The following PSAP variants were observed in gnomAD, a reference collection of about 807,000 sequenced individuals.
PSAP encodes prosaposin, also known as precursor of saposins.
In PSAP, 25 loss-of-function variants were observed where a neutral mutation model predicts 66.0. That is an observed-to-expected ratio of 0.38 (90% CI 0.28 to 0.53). The LOEUF (loss-of-function observed/expected upper bound fraction) is 0.53. Ranked by LOEUF, PSAP falls within the 20% of genes least tolerant of loss-of-function variation. PSAP has a pLI of 0.83. For synonymous variants in PSAP, 273 were observed against 258.9 expected, an observed-to-expected ratio of 1.05 and a Z score of -0.52; for missense variants, 649 against 668.8, an observed-to-expected ratio of 0.97 and a Z score of 0.33.
chr10:71,824,841 G>A (rs1842370999), intron 7 of PSAP, among the ~76,000 whole-genome samples: 1 of 152,194 alleles, frequency 6.6e-6, no homozygotes, highest in Non-Finnish European at 1.5e-5. Context: ...CTATGAGGAA[G>A]TACTTCACGA....
intron 1 of PSAP, 79 bp from the exon 2 acceptor site, chr10:71,834,584 G>A: frequency 1.3e-6 from 2 of 1,562,828 alleles, no homozygotes; most frequent in Non-Finnish European, 8.7e-7. Flanking sequence ...CCAGGGCTGA[G>A]GGCGACTGTC....
At chr10:71,848,779 T>C (rs1433968801) in intron 1 of PSAP, among the ~76,000 whole-genome samples, 1 of 152,162 alleles carries the variant, frequency 6.6e-6, no homozygotes, top group Non-Finnish European at 1.5e-5. Flanking sequence ...AGTAACATTT[T>C]CACAATATCA....
At position 71,818,695 on chromosome 10, in the gene PSAP, C is replaced by T. The variant is rs140777530; in HGVS notation, c.1461G>A (p.Lys487=). 4 of 1,614,074 alleles carry T rather than the reference C, an allele frequency of 2.5e-6. No homozygotes were observed. The highest frequency in any genetic ancestry group is 1.3e-5 in the African/African-American group (1 of 74,910). Residue 487 remains lysine, a synonymous_variant, in exon 13 of 14, where the codon AAG becomes AAA. Coordinates refer to ENST00000394936, the MANE Select transcript of PSAP (RefSeq NM_002778.4). ...TACACTTCTCAGTTCCCAACAAGGG[C>T]TTATGGGCCGAGGGGCAGGCTCCAA... The part of the protein sequence containing the change: ...LKIGACPSAH[K]PLLGTEKCIW...
chr10:71,835,939 T>C (rs11000024), intron 1 of PSAP, among the ~76,000 whole-genome samples: 9 of 151,644 alleles, frequency 5.9e-5, no homozygotes, highest in African/African-American at 9.7e-5. Context: ...GTAACACACA[T>C]AGGAAACACG....
At chr10:71,823,936 G>C (rs1842351913) in intron 7 of PSAP, 2 of 1,287,292 alleles carry the variant, frequency 1.6e-6, no homozygotes, top group Non-Finnish European at 2.0e-6. Context: ...GTGAAAATAA[G>C]AGAAAGGAAA....
intron 4 of PSAP, among the ~76,000 whole-genome samples, chr10:71,830,489 G>C (rs1364047981): frequency 1.3e-5 from 2 of 152,186 alleles, no homozygotes; most frequent in Non-Finnish European, 1.5e-5. Flanking sequence ...GACACTCCAA[G>C]GCTGCACTTG....
chr10:71,820,640 T>C (rs562191708), intron 8 of PSAP, among the ~76,000 whole-genome samples: 2 of 151,748 alleles, frequency 1.3e-5, no homozygotes, highest in East Asian at 3.9e-4. Flanking sequence ...CCTGATGATG[T>C]GTTCGGTTAC....
Position 71,831,268 on chromosome 10 carries a change from G to T in PSAP, c.250-17C>A. 3 of 1,613,190 alleles carry T rather than the reference G, an allele frequency of 1.9e-6. No homozygotes were observed. Among genetic ancestry groups the T allele is most frequent in the Non-Finnish European group, 2.5e-6 (3 of 1,179,766 alleles). Reference sequence around the variant, plus strand: ...GATCTCCTCCTACGAGAGGACACCAGGGTCAGAATCACGATAGGCTTTCCT... The same window carrying T: ...GATCTCCTCCTACGAGAGGACACCATGGTCAGAATCACGATAGGCTTTCCT... On this transcript the variant is annotated splice_polypyrimidine_tract_variant and intron_variant, in intron 3 of 13. Coordinates refer to ENST00000394936, the MANE Select transcript of PSAP (RefSeq NM_002778.4).
chr10:71,822,591 G>T, intron 7 of PSAP: 1 of 472,108 alleles, frequency 2.1e-6, no homozygotes, highest in Non-Finnish European at 4.4e-6. Context: ...AAGCCACAAG[G>T]TCTCCAGATT....
chr10:71,849,353 T>C (rs986350354), intron 1 of PSAP, among the ~76,000 whole-genome samples: 3 of 152,226 alleles, frequency 2.0e-5, no homozygotes, highest in South Asian at 4.1e-4. Context: ...AACCCTGTCA[T>C]CCACTTTGTT....
Position 71,816,370 on chromosome 10 carries a change from T to A in PSAP, c.*1071A>T, listed in dbSNP as rs551941858. ...AACAAAAATCACGAAGTCCATTTAA[T>A]AGCAACTTCATGTCCTGCTGGCTTT... On this transcript the variant is annotated 3_prime_UTR_variant, in exon 14 of 14. Coordinates refer to ENST00000394936, the MANE Select transcript of PSAP (RefSeq NM_002778.4). The A allele has an allele frequency of 2.1e-6, 1 of 469,550 alleles. No homozygotes were observed. The highest frequency in any genetic ancestry group is 4.4e-6 in the Non-Finnish European group (1 of 225,752). 29.1% of individuals were successfully genotyped at this position (469,550 alleles called of 1,614,324 possible). A position where few individuals can be genotyped will look rare whatever the true frequency, so the allele number is the denominator to read the frequency against.
At chr10:71,828,309 C>A in intron 5 of PSAP, 152 bp from the exon 6 acceptor site, 1 of 837,274 alleles carries the variant, frequency 1.2e-6, no homozygotes. Flanking sequence ...GGCTTAAAAT[C>A]GATTAAGTGT....
intron 1 of PSAP, among the ~76,000 whole-genome samples, chr10:71,849,325 TTTC>T (rs1220522591): frequency 6.6e-6 from 1 of 152,232 alleles, no homozygotes; most frequent in African/African-American, 2.4e-5. Flanking sequence ...AGCTAACTCA[TTTC>T]TTCGGTTTTG....
chr10:71,817,609 G>T (rs1442550341), intron 13 of PSAP, 133 bp from the exon 14 acceptor site: 1 of 852,982 alleles, frequency 1.2e-6, no homozygotes, highest in Non-Finnish European at 2.0e-6. Context: ...ACCAGATGCT[G>T]AAGACCCAGG....
intron 6 of PSAP, 71 bp from the exon 7 acceptor site, chr10:71,825,964 C>A (rs1842393472): frequency 7.5e-7 from 1 of 1,341,638 alleles, no homozygotes; most frequent in Non-Finnish European, 1.1e-6. Flanking sequence ...AACAAAAACC[C>A]CCCAGCATTT....
At position 71,840,937 on chromosome 10, in the gene PSAP, A is replaced by G. The variant is rs182321221; in HGVS notation, c.41-6432T>C. Among the ~76,000 whole-genome samples, 494 of 152,368 alleles carry G rather than the reference A, an allele frequency of 3.2e-3. 1 individual carries two copies. The highest frequency in any genetic ancestry group is 0.01 in the African/African-American group (434 of 41,596). ...GGGACAATTCCTAACTAGTTCATTC[A>G]AGGGTACTGTAGTCCAATAAAAACT... On this transcript the variant is annotated intron_variant, in intron 1 of 13. Coordinates refer to ENST00000394936, the MANE Select transcript of PSAP (RefSeq NM_002778.4).
chr10:71,818,991 A>G (rs2133029438), intron 12 of PSAP, 40 bp downstream of exon 12: 3 of 1,571,478 alleles, frequency 1.9e-6, no homozygotes. Context: ...CCCCCAGGTT[A>G]CAGCTGCCCG....
chr10:71,840,510 A>T (rs1842715774), intron 1 of PSAP, among the ~76,000 whole-genome samples: 1 of 152,262 alleles, frequency 6.6e-6, no homozygotes, highest in African/African-American at 2.4e-5. Context: ...TGCCTTTGGA[A>T]AACAGTCTGC....
chr10:71,825,918 A>C (rs992685804), intron 6 of PSAP, 25 bp from the exon 7 acceptor site: 2 of 1,603,894 alleles, frequency 1.2e-6, no homozygotes, highest in African/African-American at 1.3e-5. Flanking sequence ...ACAGATTGCT[A>C]AACAAATCAC....
Sources: allele counts gnomAD v4.1 joint callset (sites outside exome capture counted in the v4.1 genomes callset), GRCh38; gene constraint gnomAD v4.1.1; transcripts MANE v1.5; gene names NCBI Gene and HGNC (gene_info 2026-07-23, HGNC 2026-07-21).